SCD5: variants seen among roughly 807,000 people sequenced by gnomAD.
The protein encoded by SCD5 is stearoyl-CoA desaturase 5, also known as acyl-CoA-desaturase 4.
Under a neutral mutation model 30.4 loss-of-function variants are expected in SCD5, and 20 were observed. The observed-to-expected ratio is 0.66, with a 90% CI of 0.46 to 0.96. The LOEUF (loss-of-function observed/expected upper bound fraction) is 0.96, where lower values mean the gene tolerates loss of function less well. Ranked by LOEUF, SCD5 falls within the 40% of genes least tolerant of loss-of-function variation. The probability of loss-of-function intolerance (pLI) is 0.00; values close to 1 mark genes in which losing one functional copy is unlikely to be tolerated. For synonymous variants in SCD5, 173 were observed against 176.4 expected, an observed-to-expected ratio of 0.98 and a Z score of 0.16; for missense variants, 381 against 443.3, an observed-to-expected ratio of 0.86 and a Z score of 1.26.
chr4:82,642,225 G>C (rs150421793), intron 3 of SCD5, among the ~76,000 whole-genome samples: 1 of 152,094 alleles, frequency 6.6e-6, no homozygotes, highest in Non-Finnish European at 1.5e-5. Flanking sequence ...CACACCGGTT[G>C]TATACAGCAT....
intron 3 of SCD5, among the ~76,000 whole-genome samples, chr4:82,679,287 G>GGAAGGAAGGAAGGAAGGAAGGAAAGAAA (rs1560531782): frequency 7.9e-6 from 1 of 126,294 alleles, no homozygotes; most frequent in African/African-American, 2.9e-5. Context: ...AAAGAAGGAA[G>GGAAGGAAGGAAGGAAGGAAGGAAAGAAA]GAAAGAAAGA....
chr4:82,679,157 C>T (rs1181061686), intron 3 of SCD5, among the ~76,000 whole-genome samples: 3 of 149,144 alleles, frequency 2.0e-5, no homozygotes, highest in Non-Finnish European at 4.4e-5. Context: ...CGAGATCACG[C>T]CACTGCACTG....
At chr4:82,750,613 T>C (rs1020706065) in intron 1 of SCD5, among the ~76,000 whole-genome samples, 3 of 151,768 alleles carry the variant, frequency 2.0e-5, no homozygotes, top group African/African-American at 7.3e-5. Context: ...GCTTTACTTT[T>C]GCCAGCCACA....
intron 3 of SCD5, among the ~76,000 whole-genome samples, chr4:82,663,038 G>A (rs1466245356): frequency 2.0e-5 from 3 of 152,148 alleles, no homozygotes; most frequent in Non-Finnish European, 4.4e-5. Context: ...CTGCTTAGAT[G>A]TAGAAAGTCA....
intron 1 of SCD5, among the ~76,000 whole-genome samples, chr4:82,795,809 CAAAAAA>C (rs72115040): frequency 2.3e-5 from 1 of 43,898 alleles, no homozygotes; most frequent in Non-Finnish European, 4.0e-5. Context: ...CCCTGTCTCA[CAAAAAA>C]AAAAAAAAAA....
At chr4:82,657,666 C>T (rs891833348) in intron 3 of SCD5, among the ~76,000 whole-genome samples, 3 of 152,170 alleles carry the variant, frequency 2.0e-5, no homozygotes, top group Admixed American at 2.0e-4. Context: ...GGGGATAGCA[C>T]TGAATCTATA....
At chr4:82,775,151 T>A (rs1721718785) in intron 1 of SCD5, among the ~76,000 whole-genome samples, 1 of 152,182 alleles carries the variant, frequency 6.6e-6, no homozygotes, top group Admixed American at 6.5e-5. Flanking sequence ...AGAGAACAGC[T>A]GCTGGGAAAG....
At chr4:82,738,966 A>G (rs1244720827) in intron 1 of SCD5, among the ~76,000 whole-genome samples, 2 of 152,206 alleles carry the variant, frequency 1.3e-5, no homozygotes, top group Non-Finnish European at 2.9e-5. Context: ...ACACTACAAC[A>G]TATGGCCTCT....
intron 1 of SCD5, among the ~76,000 whole-genome samples, chr4:82,731,576 T>A (rs920227995): frequency 2.6e-5 from 4 of 152,188 alleles, no homozygotes; most frequent in Non-Finnish European, 4.4e-5. Flanking sequence ...GGAATTCACA[T>A]CCCAGTTCTG....
At chr4:82,738,254 C>T (rs925312432) in intron 1 of SCD5, among the ~76,000 whole-genome samples, 1 of 152,080 alleles carries the variant, frequency 6.6e-6, no homozygotes, top group Non-Finnish European at 1.5e-5. Flanking sequence ...GAAACCCTGT[C>T]GCTACTAAAA....
Position 82,798,591 on chromosome 4 carries a change from G to T in SCD5, c.-54C>A. 1 of 1,477,332 alleles carries T rather than the reference G, an allele frequency of 6.8e-7. No homozygotes were observed. The highest frequency in any genetic ancestry group is 9.0e-7 in the Non-Finnish European group (1 of 1,105,474). 91.5% of individuals were successfully genotyped at this position (1,477,332 alleles called of 1,614,324 possible). A position where few individuals can be genotyped will look rare whatever the true frequency, so the allele number is the denominator to read the frequency against. The stretch of plus-strand genomic sequence containing the variant: ...CGGCAGGCAGGCAGGCGCTCTGCCC[G>T]AGCGGAGCTCGAGGGTGGGGGCGGG... On this transcript the variant is annotated 5_prime_UTR_variant, in exon 1 of 5. Coordinates refer to ENST00000319540, the MANE Select transcript of SCD5 (RefSeq NM_001037582.3).
intron 3 of SCD5, among the ~76,000 whole-genome samples, chr4:82,679,239 AGAAAGAAAGAAAGAAAGAAAGAAGGAAG>A (rs1336087957): frequency 2.9e-5 from 3 of 102,188 alleles, no homozygotes; most frequent in Non-Finnish European, 6.0e-5. Flanking sequence ...AAAGAAAGAA[AGAAAGAAAGAAAGAAAGAAAGAAGGAAG>A]GAAAGAAAGA....
At chr4:82,658,630 C>CTTTTTTTTTTTTTTT (rs57727794) in intron 3 of SCD5, among the ~76,000 whole-genome samples, 6 of 116,944 alleles carry the variant, frequency 5.1e-5, no homozygotes, top group Non-Finnish European at 6.9e-5. Context: ...CCACACCTGG[C>CTTTTTTTTTTTTTTT]TTTTTTTTTT....
chr4:82,701,974 T>G (rs956061721), intron 2 of SCD5, among the ~76,000 whole-genome samples: 3 of 151,904 alleles, frequency 2.0e-5, no homozygotes, highest in African/African-American at 7.3e-5. Context: ...TATAAGGAAG[T>G]TGCAAGCAGT....
chr4:82,676,373 G>T (rs1476418325), intron 3 of SCD5, among the ~76,000 whole-genome samples: 1 of 152,148 alleles, frequency 6.6e-6, no homozygotes, highest in African/African-American at 2.4e-5. Context: ...CTCACGGATA[G>T]GTTCACCCCA....
intron 1 of SCD5, among the ~76,000 whole-genome samples, chr4:82,750,149 C>T (rs1228319085): frequency 1.3e-5 from 2 of 152,162 alleles, no homozygotes; most frequent in African/African-American, 4.8e-5. Flanking sequence ...CACAGTCTGC[C>T]CACAAAAATA....
At chr4:82,698,451 G>T (rs1719744666) in intron 2 of SCD5, among the ~76,000 whole-genome samples, 1 of 152,152 alleles carries the variant, frequency 6.6e-6, no homozygotes, top group Non-Finnish European at 1.5e-5. Context: ...CCTGAAACAG[G>T]CACAAACTCT....
chr4:82,674,557 A>G (rs1728394742), intron 3 of SCD5, among the ~76,000 whole-genome samples: 1 of 152,228 alleles, frequency 6.6e-6, no homozygotes, highest in South Asian at 2.1e-4. Flanking sequence ...TTTGGAAGAC[A>G]GTTTGGCTGT....
chr4:82,700,501 G>T (rs1176544707), intron 2 of SCD5, among the ~76,000 whole-genome samples: 1 of 151,998 alleles, frequency 6.6e-6, no homozygotes, highest in Non-Finnish European at 1.5e-5. Context: ...ATTATACCAG[G>T]TTTCTCTTCA....
Sources: allele counts gnomAD v4.1 joint callset (sites outside exome capture counted in the v4.1 genomes callset), GRCh38; gene constraint gnomAD v4.1.1; transcripts MANE v1.5; gene names NCBI Gene and HGNC (gene_info 2026-07-23, HGNC 2026-07-21).